Variants in LEKR1 observed in about 807,000 individuals in gnomAD.
The protein encoded by LEKR1 is protein LEKR1.
LEKR1 carries 59 observed loss-of-function variants against 72.4 expected under a neutral mutation model. That is an observed-to-expected ratio of 0.82 (90% CI 0.66 to 1.01). The LOEUF (loss-of-function observed/expected upper bound fraction) is 1.01, where lower values mean the gene tolerates loss of function less well. Among genes scored for constraint, LEKR1 ranks in the 50% least tolerant of loss-of-function variants. The probability of loss-of-function intolerance (pLI) is 0.00; values close to 1 mark genes in which losing one functional copy is unlikely to be tolerated. For synonymous variants in LEKR1, 257 were observed against 263.2 expected, an observed-to-expected ratio of 0.98 and a Z score of 0.23; for missense variants, 728 against 759.2, an observed-to-expected ratio of 0.96 and a Z score of 0.48.
At chr3:156,856,972 C>T (rs1290988356) in intron 3 of LEKR1, among the ~76,000 whole-genome samples, 2 of 151,948 alleles carry the variant, frequency 1.3e-5, no homozygotes, top group African/African-American at 4.8e-5. Flanking sequence ...TTGTAGAATG[C>T]ATCTTTATAT....
At position 156,840,025 on chromosome 3, in the gene LEKR1, C is replaced by T. The variant is rs142496159; in HGVS notation, c.48+10648C>T. On this transcript the variant is annotated intron_variant, in intron 2 of 12. Transcript: ENST00000356539. ...TCTTCCTCTTCCTCCTCAGCCTGCT[C>T]AATGTGAACATGAGGATGAAGACAT... Among the ~76,000 whole-genome samples the T allele has an allele frequency of 3.3e-3, 498 of 152,296 alleles. 1 individual carries two copies. The highest frequency in any genetic ancestry group is 5.7e-3 in the Non-Finnish European group (385 of 68,028).
At chr3:156,898,296 G>T (rs1721405901) in intron 3 of LEKR1, among the ~76,000 whole-genome samples, 1 of 151,910 alleles carries the variant, frequency 6.6e-6, no homozygotes, top group South Asian at 2.1e-4. Context: ...AACATATAGG[G>T]TTAAATAAAA....
intron 10 of LEKR1, among the ~76,000 whole-genome samples, chr3:157,022,955 C>T (rs996202856): frequency 6.6e-6 from 1 of 152,188 alleles, no homozygotes; most frequent in South Asian, 2.1e-4. Flanking sequence ...AAGGCAGATG[C>T]TTAGTCCTAT....
chr3:156,837,599 CT>C (rs1713320676), intron 2 of LEKR1, among the ~76,000 whole-genome samples: 1 of 152,192 alleles, frequency 6.6e-6, no homozygotes, highest in South Asian at 2.1e-4. Flanking sequence ...TACGGTGCCC[CT>C]CTCCATGACA....
At chr3:156,936,842 T>C (rs1394248480) in intron 5 of LEKR1, among the ~76,000 whole-genome samples, 1 of 152,160 alleles carries the variant, frequency 6.6e-6, no homozygotes, top group East Asian at 1.9e-4. Flanking sequence ...ACTCAGTGGA[T>C]TAACCGCAGA....
chr3:157,044,821 G>T (rs772382780), intron 12 of LEKR1, among the ~76,000 whole-genome samples: 22 of 152,042 alleles, frequency 1.4e-4, no homozygotes, highest in Non-Finnish European at 2.6e-4. Flanking sequence ...TGATTTTATT[G>T]TTTCAACGCT....
chr3:157,021,011 G>T (rs1023501829), intron 10 of LEKR1, among the ~76,000 whole-genome samples: 1 of 151,746 alleles, frequency 6.6e-6, no homozygotes, highest in Non-Finnish European at 1.5e-5. Context: ...GTTTTGATTT[G>T]CATTTCTCTG....
intron 9 of LEKR1, among the ~76,000 whole-genome samples, chr3:156,998,500 C>G (rs1731755630): frequency 6.6e-6 from 1 of 151,884 alleles, no homozygotes; most frequent in African/African-American, 2.4e-5. Context: ...TTGGTAAACT[C>G]CAAGAAAAAA....
chr3:156,896,266 T>C (rs1443417985), intron 3 of LEKR1, among the ~76,000 whole-genome samples: 1 of 152,178 alleles, frequency 6.6e-6, no homozygotes. Flanking sequence ...ATCTAGGTGA[T>C]GGGTTGATCT....
At chr3:157,044,378 T>C (rs1041549292) in intron 12 of LEKR1, among the ~76,000 whole-genome samples, 4 of 152,184 alleles carry the variant, frequency 2.6e-5, no homozygotes, top group African/African-American at 7.2e-5. Context: ...ATGAATTCCA[T>C]AGACAAAACA....
intron 12 of LEKR1, among the ~76,000 whole-genome samples, chr3:157,039,416 C>T (rs1481417879): frequency 6.6e-6 from 1 of 152,058 alleles, no homozygotes; most frequent in Non-Finnish European, 1.5e-5. Context: ...GCTTGGAGTT[C>T]AAGACCAGCC....
intron 3 of LEKR1, among the ~76,000 whole-genome samples, chr3:156,904,418 T>C (rs544140510): frequency 3.9e-5 from 4 of 103,046 alleles, no homozygotes; most frequent in Admixed American, 3.3e-4. Context: ...CAGAATCATG[T>C]TTTTTTTTTT....
intron 8 of LEKR1, 134 bp downstream of exon 8, chr3:156,992,864 CT>C (rs1731245988): frequency 2.7e-6 from 1 of 370,178 alleles, no homozygotes; most frequent in Non-Finnish European, 4.7e-6. Flanking sequence ...CTAATTCAAG[CT>C]TATATTATCT....
intron 9 of LEKR1, among the ~76,000 whole-genome samples, chr3:157,003,583 A>G (rs139700764): frequency 6.6e-6 from 1 of 152,126 alleles, no homozygotes; most frequent in African/African-American, 2.4e-5. Flanking sequence ...CATGAATCCA[A>G]TCTCTGCTTT....
At chr3:157,042,895 G>A (rs940745907) in intron 12 of LEKR1, among the ~76,000 whole-genome samples, 1 of 152,106 alleles carries the variant, frequency 6.6e-6, no homozygotes, top group Admixed American at 6.5e-5. Flanking sequence ...CACTTGATAT[G>A]GTTTGGATCT....
chr3:156,904,803 ATGTG>A (rs1284013397), intron 3 of LEKR1, among the ~76,000 whole-genome samples: 1 of 151,748 alleles, frequency 6.6e-6, no homozygotes, highest in African/African-American at 2.4e-5. Flanking sequence ...CAACCTATGT[ATGTG>A]TGTGTGTATT....
At chr3:157,034,981 C>G (rs1734860814) in intron 12 of LEKR1, among the ~76,000 whole-genome samples, 1 of 152,116 alleles carries the variant, frequency 6.6e-6, no homozygotes, top group Non-Finnish European at 1.5e-5. Context: ...GCAACTTCCA[C>G]CTTGATCAGT....
rs149666108 is a variant in LEKR1, at chr3:156,827,777, A to G, written c.-45+1401A>G. Among the ~76,000 whole-genome samples the G allele has an allele frequency of 1.1e-4, 16 of 152,336 alleles. No individual in the cohort carries two copies. In the East Asian group the frequency reaches 2.9e-3, roughly 28 times the overall value. ...AAGGCCATAAAGTTGGAATAGATTC[A>G]CAGACAATGAAGGCACTACACAAAA... On this transcript the variant is annotated intron_variant, in intron 1 of 12. Transcript: ENST00000356539.
chr3:156,901,673 A>G (rs1722049289), intron 3 of LEKR1, among the ~76,000 whole-genome samples: 3 of 151,976 alleles, frequency 2.0e-5, no homozygotes, highest in Admixed American at 6.6e-5. Flanking sequence ...TCAAATATTA[A>G]TGATCCATTT....
Sources: gnomAD v4.1 joint callset for allele counts (sites outside exome capture counted in the v4.1 genomes callset) on GRCh38, gnomAD v4.1.1 for gene constraint, MANE v1.5 for transcripts, NCBI Gene and HGNC (gene_info 2026-07-23, HGNC 2026-07-21) for gene names.